GAS2L2: variants seen among roughly 807,000 people sequenced by gnomAD.
GAS2L2 encodes the protein GAS2-like protein 2.
A neutral mutation model predicts 35.2 loss-of-function variants in GAS2L2; 21 were observed. The ratio of observed to expected loss-of-function variants is 0.60; its 90% CI spans 0.42 to 0.86. The LOEUF (loss-of-function observed/expected upper bound fraction) is 0.86. GAS2L2 is among the 40% of genes least tolerant of loss of function. GAS2L2 has a pLI of 0.00. For synonymous variants in GAS2L2, 490 were observed against 473.2 expected, an observed-to-expected ratio of 1.04 and a Z score of -0.46; for missense variants, 1,169 against 1,144.4, an observed-to-expected ratio of 1.02 and a Z score of -0.31.
chr17:35,749,114 A>G lies in GAS2L2; in HGVS notation c.731T>C (p.Ile244Thr). 1.2e-6 allele frequency: 2 copies of G among 1,610,436 alleles called. No homozygotes were observed. The highest frequency in any genetic ancestry group is 1.7e-6 in the Non-Finnish European group (2 of 1,176,694). Residue 244 changes from isoleucine (I) to threonine (T), a missense_variant, in exon 3 of 6, where the codon ATC becomes ACC. Coordinates refer to ENST00000604641, the MANE Select transcript of GAS2L2 (RefSeq NM_139285.4). ...TGACCCCCAGCCTGGACTTACCCGG[A>G]TGAAGATGAGGGTGTTGGAGTCACC... is the stretch of plus-strand genomic sequence containing the variant. The part of the protein sequence containing the change: ...RVGDSNTLIF[I>T]RILRNHVMVR...
At chr17:35,750,386 C>A in intron 1 of GAS2L2, 68 bp from the exon 2 acceptor site, 1 of 1,603,210 alleles carries the variant, frequency 6.2e-7, no homozygotes, top group African/African-American at 1.3e-5. Flanking sequence ...GCCTCCGGGG[C>A]AGGGGCTAGC....
chr17:35,748,247 T>C (rs111644401), intron 3 of GAS2L2, among the ~76,000 whole-genome samples: 2 of 152,318 alleles, frequency 1.3e-5, no homozygotes, highest in African/African-American at 4.8e-5. Flanking sequence ...TACATGCCTG[T>C]ACCCAAAACA....
chr17:35,746,383 A>G lies in GAS2L2; in HGVS notation c.1114T>C (p.Trp372Arg), dbSNP rs781792991. ...RCQERSLIPS[W>R]RQPTAGDSPP... ...CTGTCCCCAGCTGTCGGCTGCCTCC[A>G]AGATGGGATGAGAGACCTCTCCTGG... Residue 372 changes from tryptophan (W) to arginine (R), a missense_variant, in exon 6 of 6, where the codon TGG becomes CGG. By Grantham distance (101) the Trp-to-Arg change is moderately radical. Coordinates refer to ENST00000604641, the MANE Select transcript of GAS2L2 (RefSeq NM_139285.4). The G allele has an allele frequency of 5.9e-6, 8 of 1,346,682 alleles. No individual in the cohort carries two copies. Among genetic ancestry groups the G allele is most frequent in the African/African-American group, 1.5e-5 (1 of 67,638 alleles). 83.4% of individuals were successfully genotyped at this position (1,346,682 alleles called of 1,614,324 possible).
chr17:35,747,060 C>T lies in GAS2L2; in HGVS notation c.1041G>A (p.Arg347=), dbSNP rs2085672856. Residue 347 remains arginine, a synonymous_variant, in exon 5 of 6, where the codon CGG becomes CGA. Coordinates refer to ENST00000604641, the MANE Select transcript of GAS2L2 (RefSeq NM_139285.4). The part of the protein sequence containing the change: ...TPSSPRPRRE[R]GAGTGASREM... ...CTCTGGAGGCCCCCGTCCCTGCTCCCCGTTCCCTGCGGGGTCTGGGGGAGG... is the reference window on the plus strand; with the variant it reads ...CTCTGGAGGCCCCCGTCCCTGCTCCTCGTTCCCTGCGGGGTCTGGGGGAGG... The T allele has an allele frequency of 4.4e-6, 7 of 1,607,890 alleles. No homozygotes were observed. The highest frequency in any genetic ancestry group is 2.2e-5 in the South Asian group (2 of 90,240).
rs78557458 is a variant in GAS2L2 at position 35,752,640 on chromosome 17, C to A, written c.211G>T (p.Val71Phe). The change falls in exon 1 of 6, where the codon GTT becomes TTT. Residue 71 changes from valine (V) to phenylalanine (F), a missense_variant. By Grantham distance (50) the Val-to-Phe change is conservative. Transcript: ENST00000604641. ...TGLVLCQHANVVTDAALAFLA... is the reference protein window; with the variant it reads ...TGLVLCQHANFVTDAALAFLA... ...AAGGCCAGGGCAGCGTCAGTGACAACGTTGGCGTGTTGGCACAGCACCAGG... is the reference window on the plus strand; with the variant it reads ...AAGGCCAGGGCAGCGTCAGTGACAAAGTTGGCGTGTTGGCACAGCACCAGG... The A allele has an allele frequency of 7.0e-4, 1,123 of 1,613,786 alleles. 22 individuals carry two copies. In the East Asian group the frequency reaches 0.023, roughly 32 times the overall value.
chr17:35,751,074 C>T (rs1291090920), intron 1 of GAS2L2, among the ~76,000 whole-genome samples: 1 of 152,216 alleles, frequency 6.6e-6, no homozygotes, highest in Non-Finnish European at 1.5e-5. Context: ...CAGTCTCACC[C>T]CTGCCACCTT....
Position 35,745,827 on chromosome 17 carries a change from A to G in GAS2L2, c.1670T>C (p.Val557Ala). 6.2e-7 allele frequency: 1 copy of G among 1,613,764 alleles called. No homozygotes were observed. The highest frequency in any genetic ancestry group is 8.5e-7 in the Non-Finnish European group (1 of 1,180,010). Reference sequence around the variant, plus strand: ...GTCCAGCTGCTGGTCCTCCTGCCTCACTTCCACAGAGCAGTCCCCATGCGT... The same window carrying G: ...GTCCAGCTGCTGGTCCTCCTGCCTCGCTTCCACAGAGCAGTCCCCATGCGT... ...GSTHGDCSVE[V>A]RQEDQQLDIQ... The change falls in exon 6 of 6, where the codon GTG (valine) becomes GCG (alanine). Residue 557 changes from valine to alanine, a missense_variant. By Grantham distance (64) the Val-to-Ala change is moderately conservative (BLOSUM62 0). Transcript: ENST00000604641.
Position 35,752,976 on chromosome 17 carries a change from G to T in GAS2L2, c.-126C>A. 9.5e-7 allele frequency: 1 copy of T among 1,051,032 alleles called. No individual in the cohort carries two copies. The highest frequency in any genetic ancestry group is 1.3e-6 in the Non-Finnish European group (1 of 746,630). The allele number at this position is 1,051,032 out of a possible 1,614,324, so 65.1% of individuals were successfully genotyped here. A position where few individuals can be genotyped will look rare whatever the true frequency, so the allele number is the denominator to read the frequency against. On this transcript the variant is annotated 5_prime_UTR_variant, in exon 1 of 6. Coordinates refer to ENST00000604641, the MANE Select transcript of GAS2L2 (RefSeq NM_139285.4). ...TGAGGTTCCCGTGTACTCGCTGAGA[G>T]CCCGGGACCTCCAGTGCTGCTACTT... is the stretch of plus-strand genomic sequence containing the variant.
intron 3 of GAS2L2, 26 bp from the exon 4 acceptor site, chr17:35,747,971 G>A (rs782642508): frequency 6.3e-7 from 1 of 1,591,588 alleles, no homozygotes; most frequent in Non-Finnish European, 8.6e-7. Flanking sequence ...TGAGGTTAAG[G>A]GCGGGGTGGA....
In GAS2L2 at chr17:35,750,177, TC is replaced by T. The variant is rs781937070; in HGVS notation, c.526del (p.Glu176ArgfsTer39). 1.2e-6 allele frequency: 2 copies of T among 1,612,512 alleles called. No homozygotes were observed. The highest frequency in any genetic ancestry group is 1.7e-6 in the Non-Finnish European group (2 of 1,179,160). On this transcript the variant is annotated frameshift_variant, in exon 2 of 6. Transcript: ENST00000604641. LOFTEE classifies it high-confidence loss of function. ...PTLVQLEEEI[E>X]EEVRRELALP... ...GGCCAGCTCCCGCCGCACCTCCTCC[TC>T]GATCTCCTCCTCCAGCTGCACGAGT...
Position 35,747,084 on chromosome 17 carries a change from G to C in GAS2L2, c.1017C>G (p.Ser339=), listed in dbSNP as rs782659394. 11 of 1,611,856 alleles carry C rather than the reference G, an allele frequency of 6.8e-6. No homozygotes were observed. The highest frequency in any genetic ancestry group is 9.3e-6 in the Non-Finnish European group (11 of 1,178,970). The change falls in exon 5 of 6, where the codon TCC becomes TCG. Residue 339 remains serine, a synonymous_variant. Transcript: ENST00000604641. ...SDRRLRPPTP[S]SPRPRRERGA... ...CCCGTTCCCTGCGGGGTCTGGGGGAGGATGGGGTGGGGGGCCTCAGCCTTC... is the reference window on the plus strand; with the variant it reads ...CCCGTTCCCTGCGGGGTCTGGGGGACGATGGGGTGGGGGGCCTCAGCCTTC...
intron 4 of GAS2L2, 105 bp from the exon 5 acceptor site, chr17:35,747,373 A>G: frequency 7.6e-7 from 1 of 1,312,010 alleles, no homozygotes; most frequent in Non-Finnish European, 1.0e-6. Context: ...ATCCCACATT[A>G]AAAACAGTGG....
rs1555598935 is a variant in GAS2L2, at chr17:35,746,162, G to T, written c.1335C>A (p.Ala445=). ...PTPQRLRAIE[A]TTKGISARGP... Reference sequence around the variant, plus strand: ...CTCTTGCTGATATCCCTTTGGTGGTGGCCTCAATGGCTCGGAGTCTTTGTG... The same window carrying T: ...CTCTTGCTGATATCCCTTTGGTGGTTGCCTCAATGGCTCGGAGTCTTTGTG... Residue 445 remains alanine (A), a synonymous_variant, in exon 6 of 6, where the codon GCC becomes GCA. Coordinates refer to ENST00000604641, the MANE Select transcript of GAS2L2 (RefSeq NM_139285.4). 6.7e-7 allele frequency: 1 copy of T among 1,497,444 alleles called. No homozygotes were observed. The highest frequency in any genetic ancestry group is 8.9e-7 in the Non-Finnish European group (1 of 1,122,698). The allele number at this position is 1,497,444 out of a possible 1,614,324, so 92.8% of individuals were successfully genotyped here.
chr17:35,749,570 A>C (rs1555599470), intron 2 of GAS2L2, among the ~76,000 whole-genome samples: 1 of 152,156 alleles, frequency 6.6e-6, no homozygotes, highest in African/African-American at 2.4e-5. Context: ...ACACAGAACT[A>C]ATTGCTGTGA....
chr17:35,750,078 A>G lies in GAS2L2; in HGVS notation c.626T>C (p.Met209Thr). The G allele has an allele frequency of 6.2e-7, 1 of 1,602,722 alleles. No homozygotes were observed. The highest frequency in any genetic ancestry group is 8.5e-7 in the Non-Finnish European group (1 of 1,176,188). The change falls in exon 2 of 6, where the codon ATG (methionine) becomes ACG (threonine). Residue 209 changes from methionine (M) to threonine (T), a missense_variant and splice_region_variant. Around this residue, in one of 3 missense-constraint regions of GAS2L2, gnomAD observed 1,035 missense variants for 976.5 expected, o/e 1.06. Coordinates refer to ENST00000604641, the MANE Select transcript of GAS2L2 (RefSeq NM_139285.4). Reference sequence around the variant, plus strand: ...GAGGGCGTGTGCAGAGCCCCTCACCATCTGGTCCAGGTTGCGGAAGTGGCA... The same window carrying G: ...GAGGGCGTGTGCAGAGCCCCTCACCGTCTGGTCCAGGTTGCGGAAGTGGCA... ...QPCHFRNLDQ[M>T]VQSLVSHCTC...
intron 1 of GAS2L2, among the ~76,000 whole-genome samples, chr17:35,751,066 G>T (rs906844990): frequency 2.0e-5 from 3 of 152,092 alleles, no homozygotes; most frequent in Admixed American, 6.5e-5. Context: ...CCTTTCCCCA[G>T]TCTCACCCCT....
rs201240310 is a variant in GAS2L2, at chr17:35,745,831, C to T, written c.1666G>A (p.Glu556Lys). The change falls in exon 6 of 6, where the codon GAA (glutamate) becomes AAA (lysine). Residue 556 changes from glutamate (E) to lysine (K), a missense_variant. Glu to Lys is a moderately conservative substitution (Grantham distance 56). Transcript: ENST00000604641. ...AGCTGCTGGTCCTCCTGCCTCACTT[C>T]CACAGAGCAGTCCCCATGCGTGGAC... ...AGSTHGDCSVEVRQEDQQLDI... is the reference protein window; with the variant it reads ...AGSTHGDCSVKVRQEDQQLDI... 1.2e-5 allele frequency: 19 copies of T among 1,613,886 alleles called. 1 individual carries two copies. In the Admixed American group the frequency reaches 3.0e-4, roughly 25 times the overall value.
chr17:35,752,393 T>G, intron 1 of GAS2L2, 73 bp downstream of exon 1: 3 of 1,439,254 alleles, frequency 2.1e-6, no homozygotes, highest in Non-Finnish European at 2.8e-6. Flanking sequence ...AGAGCTAGCC[T>G]GTGCATTTGA....
chr17:35,748,507 C>T (rs1209806263), intron 3 of GAS2L2, among the ~76,000 whole-genome samples: 9 of 152,250 alleles, frequency 5.9e-5, no homozygotes, highest in Admixed American at 4.6e-4. Flanking sequence ...GGCCATGCCC[C>T]GAGCTGCTGG....
Sources: allele counts gnomAD v4.1 joint callset (sites outside exome capture counted in the v4.1 genomes callset), GRCh38; gene constraint gnomAD v4.1.1; regional missense constraint gnomAD v4.1.1; transcripts MANE v1.5; gene names NCBI Gene and HGNC (gene_info 2026-07-23, HGNC 2026-07-21).